Variants in KIF16B observed in about 807,000 individuals in gnomAD.
KIF16B encodes the protein kinesin family member 16B, also known as kinesin-like protein KIF16B.
In KIF16B, 98 loss-of-function variants were observed where a neutral mutation model predicts 156.3. The ratio of observed to expected loss-of-function variants is 0.63; its 90% CI spans 0.53 to 0.74. The LOEUF is 0.74. Ranked by LOEUF, KIF16B falls within the 30% of genes least tolerant of loss-of-function variation. The pLI is 0.00. For synonymous variants in KIF16B, 564 were observed against 583.7 expected, an observed-to-expected ratio of 0.97 and a Z score of 0.49; for missense variants, 1,421 against 1,606.5, an observed-to-expected ratio of 0.88 and a Z score of 1.97.
At chr20:16,373,988 A>G (rs778187035) in intron 20 of KIF16B, among the ~76,000 whole-genome samples, 37 of 152,282 alleles carry the variant, frequency 2.4e-4, no homozygotes, top group South Asian at 8.3e-4. Context: ...CCTGAAACCA[A>G]TCCTCTGCAG....
At position 16,509,388 on chromosome 20, in the gene KIF16B, A is replaced by G. The variant is rs1016165086; in HGVS notation, c.557-1288T>C. 2.6e-5 allele frequency among the ~76,000 whole-genome samples: 4 copies of G among 152,330 alleles called. No homozygotes were observed. In the East Asian group the frequency reaches 7.7e-4, roughly 29 times the overall value. On this transcript the variant is annotated intron_variant, in intron 6 of 25. Transcript: ENST00000354981. ...CTAGACAGTTGAAATTTTGATAACT[A>G]TTGCAAAATTGTTCTCCATAGAGGG...
At chr20:16,542,472 T>C (rs192477497) in intron 1 of KIF16B, among the ~76,000 whole-genome samples, 2 of 152,094 alleles carry the variant, frequency 1.3e-5, no homozygotes, top group East Asian at 3.9e-4. Flanking sequence ...TTGTGGTAAA[T>C]GCTATAAAGA....
At chr20:16,407,169 C>T (rs2065807304) in intron 15 of KIF16B, among the ~76,000 whole-genome samples, 1 of 152,176 alleles carries the variant, frequency 6.6e-6, no homozygotes, top group Admixed American at 6.6e-5. Flanking sequence ...CAAATTTCAG[C>T]TTGATGAAGC....
chr20:16,476,842 T>C (rs6043992), intron 12 of KIF16B, among the ~76,000 whole-genome samples: 231 of 152,284 alleles, frequency 1.5e-3, no homozygotes, highest in African/African-American at 5.1e-3. Context: ...GACTGCAACC[T>C]CCGCCTCCCA....
intron 1 of KIF16B, among the ~76,000 whole-genome samples, chr20:16,541,746 G>A (rs2070208965): frequency 1.3e-5 from 2 of 152,224 alleles, no homozygotes; most frequent in Non-Finnish European, 2.9e-5. Flanking sequence ...AGGAGACTGA[G>A]GCAGGCCCAG....
intron 1 of KIF16B, among the ~76,000 whole-genome samples, chr20:16,539,362 A>C (rs923074396): frequency 6.6e-5 from 10 of 152,346 alleles, no homozygotes; most frequent in African/African-American, 2.4e-4. Context: ...GAAATCAGGA[A>C]GTTACTAGGA....
At chr20:16,515,434 A>G (rs1259703445) in intron 4 of KIF16B, 114 bp downstream of exon 4, 3 of 614,170 alleles carry the variant, frequency 4.9e-6, no homozygotes, top group Non-Finnish European at 8.7e-6. Flanking sequence ...TTATTACTAA[A>G]GAATAATCAG....
In KIF16B at chr20:16,380,179, C is replaced by A; in HGVS notation, c.1839-16G>T. 6.7e-7 allele frequency: 1 copy of A among 1,500,272 alleles called. No individual in the cohort carries two copies. The highest frequency in any genetic ancestry group is 1.4e-5 in the South Asian group (1 of 69,652). 92.9% of individuals were successfully genotyped at this position (1,500,272 alleles called of 1,614,324 possible). A position where few individuals can be genotyped will look rare whatever the true frequency, so the allele number is the denominator to read the frequency against. On this transcript the variant is annotated splice_polypyrimidine_tract_variant and intron_variant, in intron 18 of 25. Transcript: ENST00000354981. ...TATGAGTTTCCTGAAATGCAAAGCA[C>A]TGACTGGTTGTTATCTGGTCATTGT...
chr20:16,440,810 C>T (rs1436087406), intron 12 of KIF16B, among the ~76,000 whole-genome samples: 4 of 152,118 alleles, frequency 2.6e-5, no homozygotes, highest in Non-Finnish European at 5.9e-5. Context: ...GCAGAAACAT[C>T]GATCTTTATT....
At chr20:16,483,977 G>C (rs569291247) in intron 12 of KIF16B, among the ~76,000 whole-genome samples, 1 of 151,918 alleles carries the variant, frequency 6.6e-6, no homozygotes, top group African/African-American at 2.4e-5. Flanking sequence ...TGCAGCATCC[G>C]CTGAGTACAA....
chr20:16,564,403 A>G (rs991436254), intron 1 of KIF16B, among the ~76,000 whole-genome samples: 20 of 152,186 alleles, frequency 1.3e-4, no homozygotes, highest in Non-Finnish European at 2.1e-4. Context: ...ATACGTGTGC[A>G]TCGCAAGGAC....
At chr20:16,513,430 G>A (rs983828762) in intron 4 of KIF16B, among the ~76,000 whole-genome samples, 3 of 151,952 alleles carry the variant, frequency 2.0e-5, no homozygotes, top group South Asian at 2.1e-4. Context: ...AGGCCGAGGC[G>A]GGTGGATCAC....
At chr20:16,543,939 G>C (rs1600666780) in intron 1 of KIF16B, among the ~76,000 whole-genome samples, 1 of 152,186 alleles carries the variant, frequency 6.6e-6, no homozygotes, top group African/African-American at 2.4e-5. Flanking sequence ...AAGCCACAAA[G>C]AACTGCTGAG....
intron 24 of KIF16B, among the ~76,000 whole-genome samples, chr20:16,320,837 T>C (rs1218112857): frequency 1.3e-5 from 2 of 152,316 alleles, no homozygotes; most frequent in East Asian, 3.9e-4. Flanking sequence ...TAGTAATTTA[T>C]AAAATGGAAA....
intron 2 of KIF16B, among the ~76,000 whole-genome samples, chr20:16,527,332 G>A (rs1250799899): frequency 6.6e-6 from 1 of 152,138 alleles, no homozygotes; most frequent in Non-Finnish European, 1.5e-5. Context: ...GTTGGAAGAT[G>A]GGAGCATTTC....
rs751351851 is a variant in KIF16B, at chr20:16,406,399, G to A, written c.1670C>T (p.Ala557Val). The change falls in exon 16 of 26, where the codon GCC becomes GTC. Residue 557 changes from alanine to valine, a missense_variant. Transcript: ENST00000354981. ...NMFRFNHPKE[A>V]AKLREKRKSG... ...CTTCCTCTTCTCCCTGAGCTTGGCG[G>A]CTTCCTTTGGATGGTTAAAGCGAAA... is the stretch of plus-strand genomic sequence containing the variant. 2 of 1,613,554 alleles carry A rather than the reference G, an allele frequency of 1.2e-6. No individual in the cohort carries two copies. Among genetic ancestry groups the A allele is most frequent in the East Asian group, 4.5e-5 (2 of 44,868 alleles).
intron 23 of KIF16B, among the ~76,000 whole-genome samples, chr20:16,356,066 T>A (rs1406477402): frequency 1.3e-5 from 2 of 152,180 alleles, no homozygotes; most frequent in Non-Finnish European, 2.9e-5. Context: ...TTGGGCAACC[T>A]GGATGGTTGG....
At chr20:16,306,177 G>A (rs1204915393) in intron 25 of KIF16B, among the ~76,000 whole-genome samples, 1 of 152,176 alleles carries the variant, frequency 6.6e-6, no homozygotes, top group Non-Finnish European at 1.5e-5. Context: ...CTTCCTTGTT[G>A]TGGTAAATCA....
chr20:16,515,990 A>G (rs1026169454), intron 3 of KIF16B, among the ~76,000 whole-genome samples: 2 of 152,234 alleles, frequency 1.3e-5, no homozygotes, highest in African/African-American at 4.8e-5. Context: ...ATGATTAGCC[A>G]TTCAGAATTA....
Sources: gnomAD v4.1 joint callset for allele counts (sites outside exome capture counted in the v4.1 genomes callset) on GRCh38, gnomAD v4.1.1 for gene constraint, MANE v1.5 for transcripts, NCBI Gene and HGNC (gene_info 2026-07-23, HGNC 2026-07-21) for gene names.